The following MYO5B variants were observed in gnomAD, a reference collection of about 807,000 sequenced individuals.
MYO5B encodes the protein myosin VB.
A neutral mutation model predicts 229.3 loss-of-function variants in MYO5B; 143 were observed. That is an observed-to-expected ratio of 0.62 (90% CI 0.54 to 0.72). The LOEUF (loss-of-function observed/expected upper bound fraction) is 0.72, where lower values mean the gene tolerates loss of function less well. Ranked by LOEUF, MYO5B falls within the 30% of genes least tolerant of loss-of-function variation. The pLI is 0.00. For missense variants in MYO5B, 2,321 were observed against 2,331.0 expected, an observed-to-expected ratio of 1.00 and a Z score of 0.09; for synonymous variants, 918 against 885.2, an observed-to-expected ratio of 1.04 and a Z score of -0.66.
At chr18:50,004,340 T>C (rs576439630) in intron 4 of MYO5B, among the ~76,000 whole-genome samples, 2 of 152,288 alleles carry the variant, frequency 1.3e-5, no homozygotes, top group South Asian at 4.2e-4. Flanking sequence ...TATCAAGAGT[T>C]ATAAAAAGAA....
chr18:49,919,121 G>T (rs1161091561), intron 17 of MYO5B, among the ~76,000 whole-genome samples: 1 of 152,338 alleles, frequency 6.6e-6, no homozygotes, highest in East Asian at 1.9e-4. Context: ...TTCAACAAAT[G>T]GTCCTGGGAC....
chr18:50,089,815 C>T (rs535130000), intron 1 of MYO5B, among the ~76,000 whole-genome samples: 11 of 152,250 alleles, frequency 7.2e-5, no homozygotes, highest in African/African-American at 2.6e-4. Flanking sequence ...GGCCTTTGTG[C>T]CCTTGCCCCA....
intron 26 of MYO5B, among the ~76,000 whole-genome samples, chr18:49,875,447 T>A (rs1372212408): frequency 6.6e-6 from 1 of 152,138 alleles, no homozygotes; most frequent in Non-Finnish European, 1.5e-5. Flanking sequence ...TGCCACAGAC[T>A]TCCCCCTAGC....
intron 9 of MYO5B, among the ~76,000 whole-genome samples, chr18:49,978,901 C>T (rs2025784094): frequency 6.6e-6 from 1 of 152,138 alleles, no homozygotes; most frequent in South Asian, 2.1e-4. Flanking sequence ...CTCAGCCAGG[C>T]CTTGGTCACT....
chr18:50,039,537 T>C (rs1429933075), intron 3 of MYO5B, among the ~76,000 whole-genome samples: 1 of 152,080 alleles, frequency 6.6e-6, no homozygotes, highest in African/African-American at 2.4e-5. Context: ...TTCACCATGT[T>C]AGTGAGGATG....
At chr18:49,855,094 A>G (rs1208403146) in intron 30 of MYO5B, among the ~76,000 whole-genome samples, 1 of 152,246 alleles carries the variant, frequency 6.6e-6, no homozygotes. Flanking sequence ...GATAATATCC[A>G]ATATTGGCTA....
intron 22 of MYO5B, among the ~76,000 whole-genome samples, chr18:49,886,759 C>T (rs2024646600): frequency 6.6e-6 from 1 of 152,106 alleles, no homozygotes; most frequent in South Asian, 2.1e-4. Context: ...AGAAGAAGCA[C>T]CGACCGAGAG....
chr18:50,145,818 A>C (rs946054270), intron 1 of MYO5B, among the ~76,000 whole-genome samples: 1 of 152,198 alleles, frequency 6.6e-6, no homozygotes, highest in Non-Finnish European at 1.5e-5. Context: ...ATCAGAAAAA[A>C]TGGATGGTTT....
intron 1 of MYO5B, among the ~76,000 whole-genome samples, chr18:50,185,762 TTG>T (rs2033139600): frequency 5.9e-5 from 9 of 152,266 alleles, no homozygotes; most frequent in Non-Finnish European, 7.3e-5. Flanking sequence ...GCATCAGATC[TTG>T]GCAATTTAAA....
At chr18:50,142,258 C>G (rs1463631051) in intron 1 of MYO5B, among the ~76,000 whole-genome samples, 2 of 152,172 alleles carry the variant, frequency 1.3e-5, no homozygotes, top group East Asian at 1.9e-4. Flanking sequence ...CAGAACAGTA[C>G]TGGTTACCAT....
At chr18:50,092,671 T>C (rs1169796750) in intron 1 of MYO5B, among the ~76,000 whole-genome samples, 1 of 152,148 alleles carries the variant, frequency 6.6e-6, no homozygotes, top group Non-Finnish European at 1.5e-5. Flanking sequence ...AGGGTGATAT[T>C]CAATTTCCTA....
At chr18:49,974,798 G>GACACACACACAC (rs10680505) in intron 9 of MYO5B, among the ~76,000 whole-genome samples, 183 bp from the exon 10 acceptor site, 10,401 of 130,964 alleles carry the variant, frequency 0.079, 949 homozygotes, top group East Asian at 0.24. Context: ...CACACACACA[G>GACACACACACAC]ACACACACAC....
chr18:49,839,710 G>A (rs1457011020), intron 35 of MYO5B, among the ~76,000 whole-genome samples: 2 of 152,194 alleles, frequency 1.3e-5, no homozygotes, highest in African/African-American at 4.8e-5. Flanking sequence ...CAGATTATAC[G>A]CTTGTATGAG....
At chr18:50,101,976 C>T (rs1437168060) in intron 1 of MYO5B, among the ~76,000 whole-genome samples, 1 of 152,136 alleles carries the variant, frequency 6.6e-6, no homozygotes, top group East Asian at 1.9e-4. Flanking sequence ...AGACATGGAA[C>T]CAACTCAAAT....
At chr18:49,932,183 T>C (rs1476057114) in intron 16 of MYO5B, among the ~76,000 whole-genome samples, 1 of 152,184 alleles carries the variant, frequency 6.6e-6, no homozygotes, top group Non-Finnish European at 1.5e-5. Flanking sequence ...CTCTCTGTTC[T>C]GGTATCCCCA....
chr18:49,963,400 T>TTTAATTAATTAA (rs367589656), intron 10 of MYO5B, among the ~76,000 whole-genome samples: 5 of 147,496 alleles, frequency 3.4e-5, no homozygotes, highest in South Asian at 4.5e-4. Context: ...ACTTATTTAA[T>TTTAATTAATTAA]TTAATTAATT....
At chr18:50,042,025 C>G (rs1054902590) in intron 2 of MYO5B, among the ~76,000 whole-genome samples, 1 of 152,076 alleles carries the variant, frequency 6.6e-6, no homozygotes, top group African/African-American at 2.4e-5. Context: ...CAAAGAGATT[C>G]AAGTAAAAGA....
intron 34 of MYO5B, 89 bp downstream of exon 34, chr18:49,843,152 C>T (rs188243287): frequency 2.1e-4 from 319 of 1,553,826 alleles, no homozygotes; most frequent in Non-Finnish European, 2.6e-4. Context: ...GCATTCACTA[C>T]AGCCAAACCC....
chr18:50,193,514 C>T lies in MYO5B; in HGVS notation c.27+1253G>A, dbSNP rs565146668. 2.0e-5 allele frequency among the ~76,000 whole-genome samples: 3 copies of T among 152,384 alleles called. No individual in the cohort carries two copies. In the South Asian group the frequency reaches 6.2e-4, roughly 32 times the overall value. ...CCAGCCCACGGAGCCGAAGGGCTCCCACATGGGCTAGACAGCCGCGTGTGA... is the reference window on the plus strand; with the variant it reads ...CCAGCCCACGGAGCCGAAGGGCTCCTACATGGGCTAGACAGCCGCGTGTGA... On this transcript the variant is annotated intron_variant, in intron 1 of 39. Coordinates refer to ENST00000285039, the MANE Select transcript of MYO5B (RefSeq NM_001080467.3).
Sources: allele counts gnomAD v4.1 joint callset (sites outside exome capture counted in the v4.1 genomes callset), GRCh38; gene constraint gnomAD v4.1.1; transcripts MANE v1.5; gene names NCBI Gene and HGNC (gene_info 2026-07-23, HGNC 2026-07-21).